CACNG3: variants seen among roughly 807,000 people sequenced by gnomAD.
CACNG3 encodes voltage-dependent calcium channel gamma-3 subunit.
A neutral mutation model predicts 28.5 loss-of-function variants in CACNG3; 3 were observed. The ratio of observed to expected loss-of-function variants is 0.11; its 90% CI spans 0.05 to 0.27. CACNG3 has a LOEUF of 0.27. Among genes scored for constraint, CACNG3 ranks in the 10% least tolerant of loss-of-function variants. CACNG3 has a pLI of 1.00. For synonymous variants in CACNG3, 174 were observed against 162.2 expected, an observed-to-expected ratio of 1.07 and a Z score of -0.55; for missense variants, 236 against 414.4, an observed-to-expected ratio of 0.57 and a Z score of 3.74.
intron 1 of CACNG3, among the ~76,000 whole-genome samples, chr16:24,257,291 T>G (rs1174967247): frequency 6.7e-6 from 1 of 149,138 alleles, no homozygotes; most frequent in East Asian, 2.0e-4. Flanking sequence ...GATGGGGTCT[T>G]TAACCCTGCT....
intron 1 of CACNG3, among the ~76,000 whole-genome samples, chr16:24,318,415 G>A (rs1410520909): frequency 6.6e-6 from 1 of 152,122 alleles, no homozygotes; most frequent in Non-Finnish European, 1.5e-5. Flanking sequence ...TGGTCTCAAA[G>A]TCCTGACCTC....
At chr16:24,317,656 G>C (rs1317488977) in intron 1 of CACNG3, among the ~76,000 whole-genome samples, 1 of 63,954 alleles carries the variant, frequency 1.6e-5, no homozygotes, top group Non-Finnish European at 3.0e-5. Flanking sequence ...AGAAAAGAAA[G>C]AAAGAAAGAA....
chr16:24,288,324 C>T (rs1284107361), intron 1 of CACNG3, among the ~76,000 whole-genome samples: 4 of 152,160 alleles, frequency 2.6e-5, no homozygotes, highest in South Asian at 4.1e-4. Flanking sequence ...CCAAGCACAA[C>T]CCAATAAGTT....
intron 1 of CACNG3, among the ~76,000 whole-genome samples, chr16:24,300,824 G>C (rs1272708789): frequency 1.3e-5 from 2 of 151,968 alleles, no homozygotes; most frequent in African/African-American, 4.8e-5. Flanking sequence ...GAAGCTAAGG[G>C]GGGCAGATCA....
chr16:24,347,187 A>G (rs1031087751), intron 2 of CACNG3, among the ~76,000 whole-genome samples: 5 of 152,102 alleles, frequency 3.3e-5, no homozygotes, highest in African/African-American at 1.2e-4. Context: ...ATGTGGTGGC[A>G]CACACCTGTA....
chr16:24,308,961 A>G (rs1274756958), intron 1 of CACNG3, among the ~76,000 whole-genome samples: 2 of 152,006 alleles, frequency 1.3e-5, no homozygotes, highest in African/African-American at 4.8e-5. Flanking sequence ...GCCTGGCTAC[A>G]TTTCTTGAAT....
intron 1 of CACNG3, among the ~76,000 whole-genome samples, chr16:24,326,731 G>A (rs1899552111): frequency 6.6e-6 from 1 of 152,148 alleles, no homozygotes. Context: ...CTCACTCTCT[G>A]CACAGGCTGA....
At chr16:24,260,444 C>A (rs985492515) in intron 1 of CACNG3, among the ~76,000 whole-genome samples, 3 of 152,068 alleles carry the variant, frequency 2.0e-5, no homozygotes, top group Non-Finnish European at 4.4e-5. Flanking sequence ...CTATTATTAC[C>A]CTCATTTTAC....
At chr16:24,313,118 T>A (rs1029484873) in intron 1 of CACNG3, among the ~76,000 whole-genome samples, 1 of 109,912 alleles carries the variant, frequency 9.1e-6, no homozygotes, top group Non-Finnish European at 1.9e-5. Context: ...GAAGCTTCTG[T>A]CATCCAGTAA....
chr16:24,293,778 A>C (rs775492060), intron 1 of CACNG3, among the ~76,000 whole-genome samples: 7 of 152,110 alleles, frequency 4.6e-5, no homozygotes, highest in Non-Finnish European at 1.0e-4. Flanking sequence ...CAGAGAGGCA[A>C]ATCTATCTGC....
intron 1 of CACNG3, among the ~76,000 whole-genome samples, chr16:24,324,935 C>T (rs1252832774): frequency 1.3e-5 from 2 of 152,138 alleles, no homozygotes; most frequent in Non-Finnish European, 2.9e-5. Flanking sequence ...TCCTCCCTGC[C>T]TCATCACCCT....
chr16:24,264,891 G>A (rs1898577246), intron 1 of CACNG3, among the ~76,000 whole-genome samples: 1 of 152,140 alleles, frequency 6.6e-6, no homozygotes, highest in African/African-American at 2.4e-5. Context: ...ACTAAATTGA[G>A]ACACATCAAT....
intron 1 of CACNG3, among the ~76,000 whole-genome samples, chr16:24,264,308 A>G (rs1898571047): frequency 6.6e-6 from 1 of 152,208 alleles, no homozygotes; most frequent in Non-Finnish European, 1.5e-5. Context: ...CTCTATCCAA[A>G]GGGAGGAGGG....
chr16:24,333,705 G>A (rs1019960992), intron 1 of CACNG3, among the ~76,000 whole-genome samples: 1 of 152,104 alleles, frequency 6.6e-6, no homozygotes, highest in Non-Finnish European at 1.5e-5. Context: ...AGCCGGGTAT[G>A]GTGGCGTGCA....
intron 1 of CACNG3, among the ~76,000 whole-genome samples, chr16:24,271,330 C>A (rs1472215461): frequency 6.6e-6 from 1 of 152,204 alleles, no homozygotes; most frequent in African/African-American, 2.4e-5. Flanking sequence ...TCACTGAAGA[C>A]AAGTCCGTGG....
At chr16:24,268,873 C>T (rs997134051) in intron 1 of CACNG3, among the ~76,000 whole-genome samples, 5 of 152,126 alleles carry the variant, frequency 3.3e-5, no homozygotes, top group South Asian at 2.1e-4. Context: ...TTAAACTCTG[C>T]GTCAGGCACG....
intron 1 of CACNG3, among the ~76,000 whole-genome samples, chr16:24,298,224 T>C (rs1899058823): frequency 6.6e-6 from 1 of 152,158 alleles, no homozygotes; most frequent in South Asian, 2.1e-4. Context: ...ATATTCTACA[T>C]TTTTTTGTAA....
intron 1 of CACNG3, among the ~76,000 whole-genome samples, chr16:24,344,685 T>G (rs568386012): frequency 6.6e-6 from 1 of 152,344 alleles, no homozygotes; most frequent in African/African-American, 2.4e-5. Context: ...AGTCTATTAT[T>G]TGCCTGGTAA....
At chr16:24,324,885 C>G (rs141050846) in intron 1 of CACNG3, among the ~76,000 whole-genome samples, 2 of 152,248 alleles carry the variant, frequency 1.3e-5, no homozygotes, top group Admixed American at 6.5e-5. Flanking sequence ...CTGTTTCTTT[C>G]CGCTTTCAAC....
Sources: allele counts gnomAD v4.1 joint callset (sites outside exome capture counted in the v4.1 genomes callset), GRCh38; gene constraint gnomAD v4.1.1; transcripts MANE v1.5; gene names NCBI Gene and HGNC (gene_info 2026-07-23, HGNC 2026-07-21).